Variants in PRKN observed in about 807,000 individuals in gnomAD.
PRKN encodes parkin RBR E3 ubiquitin protein ligase.
PRKN carries 56 observed loss-of-function variants against 59.5 expected under a neutral mutation model. The ratio of observed to expected loss-of-function variants is 0.94; its 90% CI spans 0.76 to 1.18. The LOEUF (loss-of-function observed/expected upper bound fraction) is 1.18. Ranked by LOEUF, PRKN falls within the 50% of genes most tolerant of loss-of-function variation. The probability of loss-of-function intolerance (pLI) is 0.00; values close to 1 mark genes in which losing one functional copy is unlikely to be tolerated. For missense variants in PRKN, 657 were observed against 596.4 expected, an observed-to-expected ratio of 1.10 and a Z score of -1.06; for synonymous variants, 250 against 222.1, an observed-to-expected ratio of 1.13 and a Z score of -1.12.
At chr6:162,550,541 T>C (rs1336814710) in intron 1 of PRKN, among the ~76,000 whole-genome samples, 1 of 152,150 alleles carries the variant, frequency 6.6e-6, no homozygotes, top group African/African-American at 2.4e-5. Context: ...GGTTAAAGAC[T>C]CTCCTAGGGG....
At chr6:161,874,977 TATA>T (rs1275242655) in intron 6 of PRKN, among the ~76,000 whole-genome samples, 1 of 89,626 alleles carries the variant, frequency 1.1e-5, no homozygotes, top group Non-Finnish European at 1.9e-5. Flanking sequence ...TATAATTTAT[TATA>T]TTATATACTT....
intron 6 of PRKN, among the ~76,000 whole-genome samples, chr6:161,890,100 C>G (rs937294976): frequency 5.9e-5 from 9 of 152,136 alleles, no homozygotes; most frequent in Non-Finnish European, 4.4e-5. Flanking sequence ...CTGCCGTCTC[C>G]CTTGTGTGAC....
rs556110504 is a variant in PRKN at position 162,572,077 on chromosome 6, G to A, written c.8-128604C>T. Among the ~76,000 whole-genome samples, 6 of 152,048 alleles carry A rather than the reference G, an allele frequency of 3.9e-5. 1 individual carries two copies. The highest frequency in any genetic ancestry group is 3.3e-4 in the Admixed American group (5 of 15,262). On this transcript the variant is annotated intron_variant, in intron 1 of 11. Transcript: ENST00000366898. Reference sequence around the variant, plus strand: ...CCCCATCTCATTACCCATCCAGCCTGCATCCTGGCACCTAGACTTGAGCTC... The same window carrying A: ...CCCCATCTCATTACCCATCCAGCCTACATCCTGGCACCTAGACTTGAGCTC...
At chr6:162,675,875 T>C (rs1175086266) in intron 1 of PRKN, among the ~76,000 whole-genome samples, 5 of 152,162 alleles carry the variant, frequency 3.3e-5, no homozygotes, top group African/African-American at 7.2e-5. Flanking sequence ...TTAAAACATA[T>C]TGTAAAAATT....
chr6:162,440,365 A>G (rs535488569), intron 2 of PRKN, among the ~76,000 whole-genome samples: 4 of 152,260 alleles, frequency 2.6e-5, no homozygotes, highest in African/African-American at 9.6e-5. Context: ...ATGACATTTC[A>G]TAAGACTGTG....
At chr6:162,108,683 A>C (rs2128301509) in intron 4 of PRKN, among the ~76,000 whole-genome samples, 1 of 152,336 alleles carries the variant, frequency 6.6e-6, no homozygotes, top group African/African-American at 2.4e-5. Flanking sequence ...TGCTGAGTGC[A>C]GTGACAAAGA....
chr6:162,033,282 T>TA (rs1283132214), intron 5 of PRKN, among the ~76,000 whole-genome samples: 3 of 152,250 alleles, frequency 2.0e-5, no homozygotes, highest in African/African-American at 7.2e-5. Context: ...CCTTCAGTCT[T>TA]AAAAACTTGT....
At chr6:161,398,751 C>T (rs550392424) in intron 9 of PRKN, among the ~76,000 whole-genome samples, 3 of 152,180 alleles carry the variant, frequency 2.0e-5, no homozygotes, top group African/African-American at 4.8e-5. Flanking sequence ...TCACAGAGTT[C>T]ACAGTCAGCT....
At position 161,458,983 on chromosome 6, in the gene PRKN, G is replaced by C. The variant is rs184112121; in HGVS notation, c.1084-72106C>G. Among the ~76,000 whole-genome samples, 4 of 152,128 alleles carry C rather than the reference G, an allele frequency of 2.6e-5. No individual in the cohort carries two copies. Among genetic ancestry groups the C allele is most frequent in the Non-Finnish European group, 4.4e-5 (3 of 68,000 alleles). On this transcript the variant is annotated intron_variant, in intron 9 of 11. Coordinates refer to ENST00000366898, the MANE Select transcript of PRKN (RefSeq NM_004562.3). The surrounding 1 kb of genome is among the most constrained non-coding windows in gnomAD (Gnocchi z 6.1). ...TCAAATCCCTTCATCTTATCTGGAG[G>C]GAAGACAGGAATGAAAACCATGATA...
At chr6:162,389,578 A>AC in intron 2 of PRKN, among the ~76,000 whole-genome samples, 1 of 152,236 alleles carries the variant, frequency 6.6e-6, no homozygotes, top group Non-Finnish European at 1.5e-5. Context: ...CATTTTAATC[A>AC]TTTACCAATT....
intron 6 of PRKN, among the ~76,000 whole-genome samples, chr6:161,881,996 A>G (rs1794954254): frequency 6.6e-6 from 1 of 152,052 alleles, no homozygotes; most frequent in Non-Finnish European, 1.5e-5. Flanking sequence ...TAAAATTTAA[A>G]ACTGTTGGTG....
At chr6:162,243,588 A>C (rs1171547148) in intron 3 of PRKN, among the ~76,000 whole-genome samples, 3 of 152,132 alleles carry the variant, frequency 2.0e-5, no homozygotes, top group African/African-American at 7.2e-5. Context: ...CATAGTACTC[A>C]GTTTGTTTAA....
At chr6:161,453,109 C>A (rs758074099) in intron 9 of PRKN, among the ~76,000 whole-genome samples, 2 of 152,166 alleles carry the variant, frequency 1.3e-5, no homozygotes, top group Non-Finnish European at 2.9e-5. Flanking sequence ...TAAGGCCATT[C>A]ATTCCCACAA....
chr6:162,558,055 T>C (rs1006355511), intron 1 of PRKN, among the ~76,000 whole-genome samples: 1 of 152,216 alleles, frequency 6.6e-6, no homozygotes, highest in African/African-American at 2.4e-5. Flanking sequence ...TATATTAATA[T>C]CTACACACAA....
chr6:161,809,705 A>G (rs1791483197), intron 6 of PRKN, among the ~76,000 whole-genome samples: 1 of 152,134 alleles, frequency 6.6e-6, no homozygotes, highest in Non-Finnish European at 1.5e-5. Context: ...CTGATAATAA[A>G]TTTTTCCTTG....
chr6:162,504,353 G>T lies in PRKN; in HGVS notation c.8-60880C>A, dbSNP rs145002988. On this transcript the variant is annotated intron_variant, in intron 1 of 11. Transcript: ENST00000366898. ...CCTGGAAGACACACTTGGAAAAGGG[G>T]TTTACAAAACTTCACCCAAATAAGT... is the stretch of plus-strand genomic sequence containing the variant. Among the ~76,000 whole-genome samples the T allele has an allele frequency of 7.9e-5, 12 of 152,302 alleles. No individual in the cohort carries two copies. The East Asian group carries it at 1.5e-3, about 20-fold the overall frequency.
intron 10 of PRKN, among the ~76,000 whole-genome samples, chr6:161,364,648 A>G (rs1214955598): frequency 6.6e-6 from 1 of 152,120 alleles, no homozygotes; most frequent in Non-Finnish European, 1.5e-5. Flanking sequence ...GCTGGTTAAA[A>G]AAAAAAAATC....
intron 7 of PRKN, among the ~76,000 whole-genome samples, chr6:161,708,550 A>G (rs1196984974): frequency 1.3e-5 from 2 of 152,008 alleles, no homozygotes; most frequent in Non-Finnish European, 2.9e-5. Context: ...GTGACATTGC[A>G]ACAGGAACGT....
chr6:162,275,344 T>C (rs1369762291), intron 2 of PRKN: 1 of 152,138 alleles, frequency 6.6e-6, no homozygotes, highest in Non-Finnish European at 1.5e-5. Flanking sequence ...AAGATAAATT[T>C]TCCCTCAATA....
Sources: allele counts gnomAD v4.1 joint callset (sites outside exome capture counted in the v4.1 genomes callset), GRCh38; gene constraint gnomAD v4.1.1; non-coding constraint Gnocchi (gnomAD v3.1); transcripts MANE v1.5; gene names NCBI Gene and HGNC (gene_info 2026-07-23, HGNC 2026-07-21).